CSMD1: variants seen among roughly 807,000 people sequenced by gnomAD.
CSMD1 encodes the protein CUB and Sushi multiple domains 1, also known as CUB and sushi domain-containing protein 1.
In CSMD1, 213 loss-of-function variants were observed where a neutral mutation model predicts 417.5. That is an observed-to-expected ratio of 0.51 (90% CI 0.46 to 0.57). CSMD1 has a LOEUF of 0.57. Among genes scored for constraint, CSMD1 ranks in the 20% least tolerant of loss-of-function variants. The pLI is 0.00. For synonymous variants in CSMD1, 2,862 were observed against 1,736.8 expected (o/e 1.65, Z -16.11); for missense variants, 6,923 against 4,529.7 (o/e 1.53, Z -15.17).
At chr8:4,744,650 T>G (rs1015461644) in intron 1 of CSMD1, among the ~76,000 whole-genome samples, 1 of 152,170 alleles carries the variant, frequency 6.6e-6, no homozygotes, top group African/African-American at 2.4e-5. Flanking sequence ...TTATTCTCAA[T>G]TTTGAAAATG....
intron 3 of CSMD1, among the ~76,000 whole-genome samples, chr8:4,279,842 G>A (rs561030883): frequency 1.3e-5 from 2 of 152,258 alleles, no homozygotes; most frequent in East Asian, 1.9e-4. Context: ...CTTGCCTGCA[G>A]CAGCTCACTG....
chr8:4,546,582 T>G (rs1007789868), intron 2 of CSMD1, among the ~76,000 whole-genome samples: 5 of 152,162 alleles, frequency 3.3e-5, no homozygotes, highest in South Asian at 2.1e-4. Context: ...TCTCAGGCCT[T>G]CAGATTCAGG....
chr8:4,470,599 G>A (rs1198655033), intron 2 of CSMD1, among the ~76,000 whole-genome samples: 1 of 152,110 alleles, frequency 6.6e-6, no homozygotes, highest in Admixed American at 6.5e-5. Context: ...GCCAAACACT[G>A]GTCTAAGAGC....
chr8:3,165,772 C>T (rs963800270), intron 37 of CSMD1, among the ~76,000 whole-genome samples: 3 of 152,024 alleles, frequency 2.0e-5, no homozygotes, highest in African/African-American at 7.3e-5. Flanking sequence ...GCTTGACATA[C>T]AGGACAGTGA....
intron 5 of CSMD1, among the ~76,000 whole-genome samples, chr8:3,939,153 C>G (rs925399206): frequency 6.6e-6 from 1 of 152,042 alleles, no homozygotes; most frequent in East Asian, 1.9e-4. Context: ...GGAGAATAAA[C>G]CAATCTAACA....
At chr8:3,402,608 T>A (rs1442680757) in intron 15 of CSMD1, among the ~76,000 whole-genome samples, 1 of 152,166 alleles carries the variant, frequency 6.6e-6, no homozygotes. Context: ...AATAAAAAAA[T>A]TGCTCTATTG....
At chr8:3,426,897 T>C (rs192051200) in intron 12 of CSMD1, among the ~76,000 whole-genome samples, 97 of 152,286 alleles carry the variant, frequency 6.4e-4, no homozygotes, top group African/African-American at 2.1e-3. Flanking sequence ...AGAGGTTTAA[T>C]TGACTCACAG....
Position 3,992,134 on chromosome 8 carries a change from G to C in CSMD1, c.818+5769C>G, listed in dbSNP as rs542991220. Among the ~76,000 whole-genome samples the C allele has an allele frequency of 4.0e-5, 6 of 151,346 alleles. No homozygotes were observed. The East Asian group carries it at 9.7e-4, about 24-fold the overall frequency. On this transcript the variant is annotated intron_variant, in intron 5 of 69. Transcript: ENST00000635120. The stretch of plus-strand genomic sequence containing the variant: ...GAAATGTGTATATATATGTGTGTGT[G>C]TGTGTATGTACATATATTATATATA...
Position 3,369,342 on chromosome 8 carries a change from C to T in CSMD1, c.2811G>A (p.Lys937=). ...DALCGGYIQG[K]SGTVLSPGFP... is the part of the protein sequence containing the mutation. ...ACCCAGGAGAAAGGACTGTTCCACT[C>T]TTCCCTTGGATGTAGCCTCCACATA... The change falls in exon 19 of 70, where the codon AAG becomes AAA. Residue 937 remains lysine, a synonymous_variant. Transcript: ENST00000635120. The T allele has an allele frequency of 6.3e-7, 1 of 1,597,830 alleles. No homozygotes were observed. Among genetic ancestry groups the T allele is most frequent in the Non-Finnish European group, 8.6e-7 (1 of 1,165,842 alleles).
chr8:3,795,065 T>TATATATCATGTATAGCTATAGATAG (rs1799970607), intron 5 of CSMD1, among the ~76,000 whole-genome samples: 1 of 79,456 alleles, frequency 1.3e-5, no homozygotes, highest in African/African-American at 5.1e-5. Flanking sequence ...GCTATAGATA[T>TATATATCATGTATAGCTATAGATAG]ATATCTATCA....
chr8:3,207,046 C>G (rs10086891), intron 30 of CSMD1, among the ~76,000 whole-genome samples: 1 of 151,856 alleles, frequency 6.6e-6, no homozygotes, highest in Non-Finnish European at 1.5e-5. Flanking sequence ...TTGGATATAC[C>G]GCCACTGATT....
chr8:3,695,551 T>C (rs1800504354), intron 7 of CSMD1, among the ~76,000 whole-genome samples: 1 of 152,122 alleles, frequency 6.6e-6, no homozygotes, highest in African/African-American at 2.4e-5. Flanking sequence ...CTAATTGCTT[T>C]CCACCAAATA....
intron 2 of CSMD1, among the ~76,000 whole-genome samples, chr8:4,558,762 G>A (rs760571343): frequency 1.2e-4 from 18 of 152,234 alleles, no homozygotes; most frequent in Non-Finnish European, 2.1e-4. Flanking sequence ...CAGCTACTCC[G>A]GAGGCTGAGG....
chr8:4,727,504 G>C (rs894279682), intron 1 of CSMD1, among the ~76,000 whole-genome samples: 1 of 152,144 alleles, frequency 6.6e-6, no homozygotes, highest in African/African-American at 2.4e-5. Flanking sequence ...CTTTCAAAAA[G>C]CAAGTGAAAT....
chr8:4,660,189 G>A (rs1804503491), intron 1 of CSMD1, among the ~76,000 whole-genome samples: 1 of 149,416 alleles, frequency 6.7e-6, no homozygotes, highest in South Asian at 2.1e-4. Flanking sequence ...CATATTTAAA[G>A]ATGACATAAT....
intron 5 of CSMD1, among the ~76,000 whole-genome samples, chr8:3,985,039 T>C (rs1034345260): frequency 2.0e-5 from 3 of 152,114 alleles, no homozygotes; most frequent in African/African-American, 4.8e-5. Flanking sequence ...CACATTTTGA[T>C]TACTGTGCTC....
intron 7 of CSMD1, among the ~76,000 whole-genome samples, chr8:3,701,580 T>A (rs1800872902): frequency 6.6e-6 from 1 of 152,142 alleles, no homozygotes; most frequent in Admixed American, 6.5e-5. Flanking sequence ...TTTTATTTGT[T>A]CATAAATTAT....
chr8:4,937,022 C>T (rs914855366), intron 1 of CSMD1, among the ~76,000 whole-genome samples: 8 of 152,046 alleles, frequency 5.3e-5, no homozygotes, highest in Non-Finnish European at 1.2e-4. Flanking sequence ...ACCAGCCTGG[C>T]CAAAATAACA....
intron 40 of CSMD1, among the ~76,000 whole-genome samples, chr8:3,143,907 A>T (rs1019614430): frequency 6.6e-6 from 1 of 152,248 alleles, no homozygotes; most frequent in Non-Finnish European, 1.5e-5. Flanking sequence ...AGAGGGCAGT[A>T]CTTTGTAAAA....
Sources: gnomAD v4.1 joint callset for allele counts (sites outside exome capture counted in the v4.1 genomes callset) on GRCh38, gnomAD v4.1.1 for gene constraint, MANE v1.5 for transcripts, NCBI Gene and HGNC (gene_info 2026-07-23, HGNC 2026-07-21) for gene names.